Variants in RBM19 observed in about 807,000 individuals in gnomAD.
RBM19 encodes the protein probable RNA-binding protein 19.
Under a neutral mutation model 116.8 loss-of-function variants are expected in RBM19, and 94 were observed. The observed-to-expected ratio is 0.80, with a 90% CI of 0.68 to 0.95. RBM19 has a LOEUF of 0.95. Among genes scored for constraint, RBM19 ranks in the 40% least tolerant of loss-of-function variants. The pLI is 0.00. For synonymous variants in RBM19, 475 were observed against 494.1 expected, an observed-to-expected ratio of 0.96 and a Z score of 0.51; for missense variants, 1,161 against 1,220.7, an observed-to-expected ratio of 0.95 and a Z score of 0.73.
chr12:113,875,441 C>T (rs535128701), intron 21 of RBM19, among the ~76,000 whole-genome samples: 1 of 152,246 alleles, frequency 6.6e-6, no homozygotes, highest in African/African-American at 2.4e-5. Flanking sequence ...GAGGTCTAAT[C>T]GGGTCTGTGC....
chr12:113,836,034 G>A (rs1018858625), intron 23 of RBM19, among the ~76,000 whole-genome samples: 13 of 152,198 alleles, frequency 8.5e-5, no homozygotes, highest in African/African-American at 2.4e-4. Flanking sequence ...TCGATGCCGT[G>A]ACCCTGCTGG....
chr12:113,816,890 AAAGGGTT>A (rs1453167041), exon 25 of RBM19: 2 of 152,204 alleles, frequency 1.3e-5, no homozygotes, highest in African/African-American at 2.4e-5. Flanking sequence ...AAGGTGTACC[AAAGGGTT>A]AAAGTCATTT....
chr12:113,893,109 G>A (rs192575910), intron 21 of RBM19, among the ~76,000 whole-genome samples: 3 of 151,314 alleles, frequency 2.0e-5, no homozygotes, highest in East Asian at 2.0e-4. Flanking sequence ...ATGGCTCACA[G>A]CAGCCTCCAA....
intron 21 of RBM19, among the ~76,000 whole-genome samples, chr12:113,889,217 C>A (rs1396376754): frequency 2.0e-5 from 3 of 152,188 alleles, no homozygotes; most frequent in Non-Finnish European, 4.4e-5. Context: ...CCAGCAGCAC[C>A]CTTCAGGTTG....
At chr12:113,922,804 T>A (rs925750774) in intron 18 of RBM19, among the ~76,000 whole-genome samples, 8 of 152,266 alleles carry the variant, frequency 5.3e-5, no homozygotes, top group African/African-American at 1.9e-4. Flanking sequence ...TGTGACCTTA[T>A]CTGAGACAAG....
intron 21 of RBM19, among the ~76,000 whole-genome samples, chr12:113,896,748 G>A (rs930373907): frequency 5.3e-5 from 8 of 152,080 alleles, no homozygotes; most frequent in South Asian, 2.1e-4. Flanking sequence ...ACGAAGAGTC[G>A]AAACAAAATG....
intron 14 of RBM19, 82 bp from the exon 15 acceptor site, chr12:113,940,242 T>G: frequency 3.5e-6 from 5 of 1,415,508 alleles, no homozygotes; most frequent in Non-Finnish European, 4.9e-6. Context: ...CGTGGGGCTC[T>G]CCAGACAAGG....
chr12:113,868,936 C>T lies in RBM19; in HGVS notation c.2559-10040G>A, dbSNP rs552924080. On this transcript the variant is annotated intron_variant, in intron 21 of 23. Transcript: ENST00000261741. The stretch of plus-strand genomic sequence containing the variant: ...ATCCCAGCCCGGCACCTGCCACCAC[C>T]TTTCTGAGGCTCAGTTTTGTCACCT... 1.4e-4 allele frequency among the ~76,000 whole-genome samples: 21 copies of T among 152,312 alleles called. 1 individual carries two copies. Among genetic ancestry groups the T allele is most frequent in the Admixed American group, 1.3e-4 (2 of 15,298 alleles).
At chr12:113,897,470 G>A (rs1881415621) in intron 21 of RBM19, among the ~76,000 whole-genome samples, 1 of 152,214 alleles carries the variant, frequency 6.6e-6, no homozygotes, top group Non-Finnish European at 1.5e-5. Context: ...CCGGCCCAGA[G>A]TGTTTAAATG....
chr12:113,901,665 C>T lies in RBM19; in HGVS notation c.2558+13304G>A, dbSNP rs181990965. ...CTGGGACGACAGGCGCCTGCCACCA[C>T]GCCTGGCTAATTTTTTTTTTTCTAT... On this transcript the variant is annotated intron_variant, in intron 21 of 23. Transcript: ENST00000261741. 5.6e-3 allele frequency among the ~76,000 whole-genome samples: 850 copies of T among 152,170 alleles called. 8 individuals carry two copies. Among genetic ancestry groups the T allele is most frequent in the African/African-American group, 0.019 (805 of 41,486 alleles).
rs745330728 is a variant in RBM19 at position 113,946,379 on chromosome 12, C to A, written c.1504G>T (p.Ala502Ser). 1.5e-5 allele frequency: 25 copies of A among 1,614,064 alleles called. No homozygotes were observed. Among genetic ancestry groups the A allele is most frequent in the Non-Finnish European group, 2.1e-5 (25 of 1,179,996 alleles). Residue 502 changes from alanine (A) to serine (S), a missense_variant, in exon 12 of 24, where the codon GCC becomes TCC. Coordinates refer to ENST00000261741, the MANE Select transcript of RBM19 (RefSeq NM_016196.4). ...GSSSYKKKKE[A>S]QDKANSASSH... ...CTGGCACTGTTGGCTTTGTCCTGGGCCTCCTTCTTCTTCTTGTAGGACGAC... is the reference window on the plus strand; with the variant it reads ...CTGGCACTGTTGGCTTTGTCCTGGGACTCCTTCTTCTTCTTGTAGGACGAC...
intron 21 of RBM19, among the ~76,000 whole-genome samples, chr12:113,861,531 G>A (rs1051585467): frequency 2.2e-5 from 3 of 135,546 alleles, no homozygotes; most frequent in East Asian, 2.4e-4. Flanking sequence ...AGAAGGGGTC[G>A]GGGGGTGGTG....
intron 21 of RBM19, among the ~76,000 whole-genome samples, chr12:113,881,305 G>T (rs1004992560): frequency 6.6e-6 from 1 of 152,180 alleles, no homozygotes; most frequent in Non-Finnish European, 1.5e-5. Flanking sequence ...ACGATCTGTC[G>T]TGGGAAGGGA....
rs375567739 is a variant in RBM19 at position 113,959,431 on chromosome 12, G to A, written c.379-27C>T. The stretch of plus-strand genomic sequence containing the variant: ...TGGTGGCACCAGAACCCGGGCGGCA[G>A]GGACACGGGAAAAAGAGAGAGGAAG... On this transcript the variant is annotated intron_variant, in intron 4 of 23. Coordinates refer to ENST00000261741, the MANE Select transcript of RBM19 (RefSeq NM_016196.4). 5 of 1,588,748 alleles carry A rather than the reference G, an allele frequency of 3.1e-6. No individual in the cohort carries two copies. In the African/African-American group the frequency reaches 6.7e-5, roughly 21 times the overall value.
chr12:113,911,845 C>T (rs1882448166), intron 21 of RBM19, among the ~76,000 whole-genome samples: 2 of 152,220 alleles, frequency 1.3e-5, no homozygotes, highest in Admixed American at 1.3e-4. Context: ...ACCACAGCAT[C>T]ATCACAAATT....
intron 19 of RBM19, among the ~76,000 whole-genome samples, chr12:113,919,286 C>T (rs1278412639): frequency 3.9e-5 from 6 of 152,234 alleles, no homozygotes; most frequent in African/African-American, 9.6e-5. Context: ...TGGATTAGAA[C>T]TTAGGCTGAG....
chr12:113,831,545 T>G (rs1242892709), intron 23 of RBM19, among the ~76,000 whole-genome samples: 3 of 152,184 alleles, frequency 2.0e-5, no homozygotes, highest in Admixed American at 6.5e-5. Context: ...ATTCTCCTTC[T>G]GTCAGTTTAA....
At chr12:113,891,724 A>G (rs974242610) in intron 21 of RBM19, among the ~76,000 whole-genome samples, 1 of 152,246 alleles carries the variant, frequency 6.6e-6, no homozygotes, top group African/African-American at 2.4e-5. Context: ...CTATATTAAC[A>G]GAAGCCAAGG....
chr12:113,915,168 A>G (rs1053295267), intron 20 of RBM19, 83 bp from the exon 21 acceptor site: 5 of 1,117,570 alleles, frequency 4.5e-6, no homozygotes, highest in African/African-American at 3.1e-5. Flanking sequence ...CGCCTCCATC[A>G]GAATATTCAG....
Sources: gnomAD v4.1 joint callset for allele counts (sites outside exome capture counted in the v4.1 genomes callset) on GRCh38, gnomAD v4.1.1 for gene constraint, MANE v1.5 for transcripts, NCBI Gene and HGNC (gene_info 2026-07-23, HGNC 2026-07-21) for gene names.